ZNF385D: variants seen among roughly 807,000 people sequenced by gnomAD.
ZNF385D encodes zinc finger protein 659.
ZNF385D carries 15 observed loss-of-function variants against 35.8 expected under a neutral mutation model. The observed-to-expected ratio is 0.42, with a 90% CI of 0.28 to 0.64. The LOEUF is 0.64. Among genes scored for constraint, ZNF385D ranks in the 30% least tolerant of loss-of-function variants. ZNF385D has a pLI of 0.23. For missense variants in ZNF385D, 474 were observed against 494.6 expected (o/e 0.96, Z 0.39); for synonymous variants, 212 against 186.8 (o/e 1.13, Z -1.10).
intron 2 of ZNF385D, among the ~76,000 whole-genome samples, chr3:21,620,355 C>G (rs956497803): frequency 7.2e-6 from 1 of 138,670 alleles, no homozygotes; most frequent in Non-Finnish European, 1.6e-5. Flanking sequence ...AATTTTTAAA[C>G]CCTCTTCCTC....
chr3:21,857,431 A>AT (rs577799546), intron 3 of ZNF385D, among the ~76,000 whole-genome samples: 1 of 151,830 alleles, frequency 6.6e-6, no homozygotes, highest in Non-Finnish European at 1.5e-5. Flanking sequence ...GTTTTAAGAG[A>AT]TTTTTTGTTG....
At chr3:21,664,193 C>T (rs918526644) in intron 2 of ZNF385D, among the ~76,000 whole-genome samples, 6 of 150,986 alleles carry the variant, frequency 4.0e-5, no homozygotes, top group Admixed American at 2.0e-4. Flanking sequence ...TCTTACTGAT[C>T]GCAGAAAAAG....
intron 3 of ZNF385D, among the ~76,000 whole-genome samples, chr3:22,127,106 T>C (rs1166086698): frequency 1.3e-5 from 2 of 152,036 alleles, no homozygotes; most frequent in Non-Finnish European, 2.9e-5. Flanking sequence ...AATAGATCAT[T>C]AGGTCTTACT....
chr3:21,732,056 T>G lies in ZNF385D; in HGVS notation c.22+18839A>C, dbSNP rs2069037499. Among the ~76,000 whole-genome samples the G allele has an allele frequency of 4.1e-5, 4 of 98,502 alleles. 1 individual carries two copies. Among genetic ancestry groups the G allele is most frequent in the African/African-American group, 1.2e-4 (3 of 25,084 alleles). 64.6% of individuals were successfully genotyped at this position (98,502 alleles called of 152,430 possible). On this transcript the variant is annotated intron_variant, in intron 1 of 7. Coordinates refer to ENST00000281523, the MANE Select transcript of ZNF385D (RefSeq NM_024697.3). The stretch of plus-strand genomic sequence containing the variant: ...TTTTTTTTTTTTTTTTTTTTTTTTT[T>G]TTTTTTTTTTTTTGAGAACGGAGTT...
intron 1 of ZNF385D, among the ~76,000 whole-genome samples, chr3:21,669,967 C>T (rs1392102067): frequency 6.6e-6 from 1 of 152,168 alleles, no homozygotes; most frequent in Non-Finnish European, 1.5e-5. Context: ...TCAATCCATT[C>T]AGCATTCGTC....
At chr3:21,504,989 C>T (rs1006168309) in intron 4 of ZNF385D, among the ~76,000 whole-genome samples, 2 of 152,088 alleles carry the variant, frequency 1.3e-5, no homozygotes, top group Admixed American at 6.6e-5. Context: ...CATAGATCTA[C>T]AAGGCCAGGA....
chr3:21,983,171 T>C (rs1483223412), intron 3 of ZNF385D, among the ~76,000 whole-genome samples: 1 of 148,180 alleles, frequency 6.7e-6, no homozygotes, highest in Non-Finnish European at 1.5e-5. Flanking sequence ...TTTATTATTT[T>C]TTTTTATTAT....
chr3:22,228,211 C>A (rs2638144), intron 2 of ZNF385D, among the ~76,000 whole-genome samples: 58,595 of 152,076 alleles, frequency 0.39, 13,597 homozygotes, highest in East Asian at 0.73. Flanking sequence ...GAGCTACTAA[C>A]CCTACAGAGA....
At chr3:22,174,025 AACAC>A (rs10569895) in intron 2 of ZNF385D, among the ~76,000 whole-genome samples, 5,217 of 149,524 alleles carry the variant, frequency 0.035, 251 homozygotes, top group African/African-American at 0.11. Context: ...TTTACACACA[AACAC>A]ACACACACAC....
chr3:21,997,857 G>GCA (rs1491141236), intron 3 of ZNF385D, among the ~76,000 whole-genome samples: 6 of 76,438 alleles, frequency 7.8e-5, no homozygotes, highest in South Asian at 5.6e-4. Flanking sequence ...TTGCTATTTG[G>GCA]CGCGCGCGCG....
In ZNF385D at chr3:22,333,157, C is replaced by A. The variant is rs115236388; in HGVS notation, c.106+39293G>T. Among the ~76,000 whole-genome samples, 1,413 of 152,228 alleles carry A rather than the reference C, an allele frequency of 9.3e-3. 21 individuals are homozygous for A. Among genetic ancestry groups the A allele is most frequent in the African/African-American group, 0.032 (1,312 of 41,550 alleles). On this transcript the variant is annotated intron_variant, in intron 2 of 5. Transcript: ENST00000494108. ...CATTTCATTCTGGCATCCTTGATTT[C>A]TGATCAGACATCTTCTGTAATTCAA...
At chr3:21,727,921 C>G (rs1011890103) in intron 1 of ZNF385D, among the ~76,000 whole-genome samples, 2 of 152,124 alleles carry the variant, frequency 1.3e-5, no homozygotes, top group Non-Finnish European at 1.5e-5. Context: ...ACCCAAATGT[C>G]CATCAATGAT....
At chr3:22,257,878 T>A (rs937786300) in intron 2 of ZNF385D, among the ~76,000 whole-genome samples, 11 of 151,838 alleles carry the variant, frequency 7.2e-5, no homozygotes, top group African/African-American at 2.7e-4. Flanking sequence ...AGTTATTTTC[T>A]AGTGATATTT....
At chr3:22,003,082 A>G (rs1485824613) in intron 3 of ZNF385D, among the ~76,000 whole-genome samples, 1 of 152,224 alleles carries the variant, frequency 6.6e-6, no homozygotes, top group Non-Finnish European at 1.5e-5. Context: ...CAGAGCAATC[A>G]GTCAAGATAA....
intron 3 of ZNF385D, among the ~76,000 whole-genome samples, chr3:21,886,960 C>T (rs987117644): frequency 2.6e-5 from 4 of 152,224 alleles, no homozygotes; most frequent in Admixed American, 1.3e-4. Flanking sequence ...CTCCATTCAA[C>T]GCCACACGTT....
intron 2 of ZNF385D, among the ~76,000 whole-genome samples, chr3:21,631,490 A>G (rs2065280500): frequency 6.6e-6 from 1 of 152,102 alleles, no homozygotes; most frequent in African/African-American, 2.4e-5. Flanking sequence ...CTCTTTGGAG[A>G]AAATACCATC....
intron 4 of ZNF385D, among the ~76,000 whole-genome samples, chr3:21,475,844 CT>C (rs923677739): frequency 1.1e-3 from 166 of 149,096 alleles, no homozygotes; most frequent in Middle Eastern, 6.8e-3. Flanking sequence ...GAAGGAAAAT[CT>C]TTTTTTTTTC....
rs923932843 is a variant in ZNF385D at position 21,543,626 on chromosome 3, T to C, written c.276+20948A>G. Among the ~76,000 whole-genome samples, 3 of 152,182 alleles carry C rather than the reference T, an allele frequency of 2.0e-5. 1 individual carries two copies. The highest frequency in any genetic ancestry group is 2.0e-4 in the Admixed American group (3 of 15,276). On this transcript the variant is annotated intron_variant, in intron 3 of 7. Coordinates refer to ENST00000281523, the MANE Select transcript of ZNF385D (RefSeq NM_024697.3). Reference sequence around the variant, plus strand: ...TAAGCTTTAACTTTTCTTATGCAACTGGTGGAGGAAACAGTTGCATAAGAA... The same window carrying C: ...TAAGCTTTAACTTTTCTTATGCAACCGGTGGAGGAAACAGTTGCATAAGAA...
intron 3 of ZNF385D, among the ~76,000 whole-genome samples, chr3:21,897,216 T>G (rs1699183728): frequency 6.6e-6 from 1 of 152,174 alleles, no homozygotes; most frequent in South Asian, 2.1e-4. Context: ...ATAATGGTTC[T>G]CTTGAGCCTG....
Sources: gnomAD v4.1 joint callset for allele counts (sites outside exome capture counted in the v4.1 genomes callset) on GRCh38, gnomAD v4.1.1 for gene constraint, MANE v1.5 for transcripts, NCBI Gene and HGNC (gene_info 2026-07-23, HGNC 2026-07-21) for gene names.